The following COL13A1 variants were observed in gnomAD, a reference collection of about 807,000 sequenced individuals.
COL13A1 encodes collagen type XIII alpha 1 chain.
COL13A1 carries 89 observed loss-of-function variants against 130.9 expected under a neutral mutation model. The observed-to-expected ratio is 0.68, with a 90% CI of 0.57 to 0.81. COL13A1 has a LOEUF of 0.81. Ranked by LOEUF, COL13A1 falls within the 30% of genes least tolerant of loss-of-function variation. The pLI is 0.00. For synonymous variants in COL13A1, 402 were observed against 341.6 expected, an observed-to-expected ratio of 1.18 and a Z score of -1.95; for missense variants, 879 against 934.6, an observed-to-expected ratio of 0.94 and a Z score of 0.78.
In COL13A1 at chr10:69,883,789, G is replaced by C. The variant is rs1173378076; in HGVS notation, c.513+3236G>C. On this transcript the variant is annotated intron_variant, in intron 7 of 40. Transcript: ENST00000645393. ...CCTGTAGGTTGTGTTAGGCTGACGTGGGACATGACCAGATTTGCAGTTTAC... is the reference window on the plus strand; with the variant it reads ...CCTGTAGGTTGTGTTAGGCTGACGTCGGACATGACCAGATTTGCAGTTTAC... Among the ~76,000 whole-genome samples, 42 of 152,156 alleles carry C rather than the reference G, an allele frequency of 2.8e-4. 1 individual carries two copies. Among genetic ancestry groups the C allele is most frequent in the Non-Finnish European group, 2.9e-5 (2 of 68,026 alleles).
chr10:69,831,593 G>T (rs751246038), intron 2 of COL13A1, among the ~76,000 whole-genome samples: 2 of 152,202 alleles, frequency 1.3e-5, no homozygotes, highest in African/African-American at 4.8e-5. Context: ...GTGCTTGCCT[G>T]ATAGACTCGA....
Position 69,958,812 on chromosome 10 carries a change from T to TA in COL13A1, c.*117dup. ...AAGTATGATGCATCTTACAGATTAT[T>TA]AAAAAAGAAAGAAAAACCTGCATAT... On this transcript the variant is annotated 3_prime_UTR_variant, in exon 41 of 41. Transcript: ENST00000645393. 1 of 1,439,264 alleles carries TA rather than the reference T, an allele frequency of 6.9e-7. No homozygotes were observed. Among genetic ancestry groups the TA allele is most frequent in the Non-Finnish European group, 9.4e-7 (1 of 1,060,232 alleles). 89.2% of individuals were successfully genotyped at this position (1,439,264 alleles called of 1,614,324 possible).
intron 2 of COL13A1, among the ~76,000 whole-genome samples, chr10:69,865,555 C>A (rs1170184587): frequency 6.6e-6 from 1 of 152,218 alleles, no homozygotes; most frequent in Non-Finnish European, 1.5e-5. Flanking sequence ...AGAAAGTCTT[C>A]TTTTATAGCA....
intron 2 of COL13A1, among the ~76,000 whole-genome samples, chr10:69,858,738 G>A (rs1484184091): frequency 6.6e-6 from 1 of 152,182 alleles, no homozygotes; most frequent in Non-Finnish European, 1.5e-5. Flanking sequence ...CTCATTGAAG[G>A]TTTTCATTCT....
chr10:69,923,113 G>A (rs890405801), intron 23 of COL13A1, among the ~76,000 whole-genome samples: 1 of 152,222 alleles, frequency 6.6e-6, no homozygotes, highest in Non-Finnish European at 1.5e-5. Context: ...ACTGAGTCAA[G>A]GATTGATGGC....
chr10:69,930,370 T>C (rs775767080), intron 29 of COL13A1, 30 bp from the exon 30 acceptor site: 40 of 1,586,350 alleles, frequency 2.5e-5, no homozygotes, highest in South Asian at 2.1e-4. Context: ...CATTAATGTG[T>C]CTAAGAAGCG....
At chr10:69,857,949 C>A (rs71480613) in intron 2 of COL13A1, among the ~76,000 whole-genome samples, 2 of 152,016 alleles carry the variant, frequency 1.3e-5, no homozygotes, top group Non-Finnish European at 2.9e-5. Context: ...AACCCTGTCT[C>A]TACTAAAAAT....
intron 12 of COL13A1, among the ~76,000 whole-genome samples, chr10:69,894,944 G>A (rs554021538): frequency 8.9e-4 from 135 of 152,232 alleles, no homozygotes; most frequent in Non-Finnish European, 7.5e-4. Context: ...CCTGGAGCCT[G>A]GCCCTCTTCA....
intron 10 of COL13A1, 73 bp from the exon 11 acceptor site, chr10:69,894,479 C>T (rs1446388188): frequency 6.3e-7 from 1 of 1,583,060 alleles, no homozygotes; most frequent in Non-Finnish European, 8.6e-7. Context: ...AGCCCCAATC[C>T]CCACCCAGGC....
intron 2 of COL13A1, among the ~76,000 whole-genome samples, chr10:69,840,631 GTCCTGCTTCTCACAGCAACTTAGGACC>G (rs1224259166): frequency 1.3e-5 from 2 of 152,184 alleles, no homozygotes; most frequent in Non-Finnish European, 2.9e-5. Context: ...ATTAAAGGAA[GTCCTGCTTCTCACAGCAACTTAGGACC>G]TCAGGGGACT....
chr10:69,893,555 C>A (rs1009517177), intron 10 of COL13A1, among the ~76,000 whole-genome samples: 2 of 152,234 alleles, frequency 1.3e-5, no homozygotes, highest in South Asian at 4.1e-4. Context: ...GATGGACCCA[C>A]CCTTGGGGAT....
intron 36 of COL13A1, 87 bp downstream of exon 36, chr10:69,944,265 T>C: frequency 9.0e-7 from 1 of 1,112,058 alleles, no homozygotes; most frequent in Middle Eastern, 2.8e-4. Context: ...CCCTCATGCC[T>C]TCCTTCTTCC....
intron 7 of COL13A1, among the ~76,000 whole-genome samples, chr10:69,882,778 A>G (rs2060266457): frequency 6.6e-6 from 1 of 152,204 alleles, no homozygotes; most frequent in Non-Finnish European, 1.5e-5. Flanking sequence ...GTTTTATCAT[A>G]CCAGGAGTCT....
chr10:69,867,334 C>T lies in COL13A1; in HGVS notation c.365-464C>T, dbSNP rs574558932. Among the ~76,000 whole-genome samples, 186 of 152,370 alleles carry T rather than the reference C, an allele frequency of 1.2e-3. 1 individual carries two copies. Among genetic ancestry groups the T allele is most frequent in the South Asian group, 2.1e-3 (10 of 4,830 alleles). Reference sequence around the variant, plus strand: ...GCAGGGTGCACAGTGGCCATCCACGCCCGCCCCTGCCTGCCTGCTGGCCCT... The same window carrying T: ...GCAGGGTGCACAGTGGCCATCCACGTCCGCCCCTGCCTGCCTGCTGGCCCT... On this transcript the variant is annotated intron_variant, in intron 2 of 40. Transcript: ENST00000645393.
intron 7 of COL13A1, among the ~76,000 whole-genome samples, chr10:69,881,881 C>T (rs1297557280): frequency 6.6e-6 from 1 of 152,220 alleles, no homozygotes; most frequent in Non-Finnish European, 1.5e-5. Context: ...TTGCCCAGAG[C>T]CATAGGGCTG....
chr10:69,922,441 A>G (rs2064807985), intron 22 of COL13A1, among the ~76,000 whole-genome samples: 1 of 152,104 alleles, frequency 6.6e-6, no homozygotes, highest in South Asian at 2.1e-4. Context: ...TTCTCAACCC[A>G]CTGAACAGTG....
chr10:69,889,967 C>T (rs1042036149), intron 10 of COL13A1, among the ~76,000 whole-genome samples: 1 of 152,176 alleles, frequency 6.6e-6, no homozygotes, highest in Non-Finnish European at 1.5e-5. Context: ...AGGCCCCTTC[C>T]CCTCTCCCTT....
intron 35 of COL13A1, among the ~76,000 whole-genome samples, chr10:69,942,674 G>T (rs760453736): frequency 2.0e-5 from 3 of 152,198 alleles, no homozygotes; most frequent in Non-Finnish European, 2.9e-5. Flanking sequence ...TGCTTGCTAC[G>T]CATTCATGCA....
At chr10:69,805,102 G>A (rs1275154514) in intron 1 of COL13A1, among the ~76,000 whole-genome samples, 1 of 152,188 alleles carries the variant, frequency 6.6e-6, no homozygotes, top group African/African-American at 2.4e-5. Context: ...GACTGGGAGT[G>A]TGAGGAAGTA....
Sources: allele counts gnomAD v4.1 joint callset (sites outside exome capture counted in the v4.1 genomes callset), GRCh38; gene constraint gnomAD v4.1.1; transcripts MANE v1.5; gene names NCBI Gene and HGNC (gene_info 2026-07-23, HGNC 2026-07-21).